The following ERC2 variants were observed in gnomAD, a reference collection of about 807,000 sequenced individuals.
The protein encoded by ERC2 is ERC protein 2.
A neutral mutation model predicts 114.8 loss-of-function variants in ERC2; 42 were observed. The observed-to-expected ratio is 0.37, with a 90% CI of 0.29 to 0.47. ERC2 has a LOEUF of 0.47. ERC2 is among the 20% of genes least tolerant of loss of function. The probability of loss-of-function intolerance (pLI) is 0.99; values close to 1 mark genes in which losing one functional copy is unlikely to be tolerated. For synonymous variants in ERC2, 454 were observed against 425.5 expected, an observed-to-expected ratio of 1.07 and a Z score of -0.82; for missense variants, 939 against 1,150.7, an observed-to-expected ratio of 0.82 and a Z score of 2.66.
chr3:55,849,263 A>G (rs1477779362), intron 14 of ERC2, among the ~76,000 whole-genome samples: 1 of 152,168 alleles, frequency 6.6e-6, no homozygotes, highest in Non-Finnish European at 1.5e-5. Context: ...GCACATATGT[A>G]TATGGAGCTG....
At chr3:55,697,824 G>A (rs566684754) in intron 16 of ERC2, among the ~76,000 whole-genome samples, 12 of 152,060 alleles carry the variant, frequency 7.9e-5, no homozygotes, top group African/African-American at 2.4e-4. Context: ...AGAATGAATG[G>A]CCAAAGTGGG....
intron 15 of ERC2, among the ~76,000 whole-genome samples, chr3:55,714,641 G>A (rs7613117): frequency 6.7e-4 from 46 of 69,172 alleles, no homozygotes; most frequent in Non-Finnish European, 1.0e-3. Context: ...TTGTATATAT[G>A]TGTGTGTGTG....
In ERC2 at chr3:55,878,456, C is replaced by T. The variant is rs552549348; in HGVS notation, c.2564+9933G>A. Among the ~76,000 whole-genome samples the T allele has an allele frequency of 3.9e-5, 6 of 152,316 alleles. 1 individual carries two copies. In the South Asian group the frequency reaches 1.2e-3, roughly 32 times the overall value. On this transcript the variant is annotated intron_variant, in intron 14 of 17. Transcript: ENST00000288221. ...CTGCCCCAAAAAAGGGAAGAAGCAC[C>T]TATCTGCCCACTGCTTTCTACTATT... is the stretch of plus-strand genomic sequence containing the variant.
intron 5 of ERC2, among the ~76,000 whole-genome samples, chr3:56,144,024 T>C (rs2081010056): frequency 6.6e-6 from 1 of 152,210 alleles, no homozygotes; most frequent in African/African-American, 2.4e-5. Context: ...AAGCTTCATC[T>C]TGCTAGCCAA....
intron 7 of ERC2, among the ~76,000 whole-genome samples, chr3:56,024,835 G>A (rs899880535): frequency 6.6e-6 from 1 of 152,142 alleles, no homozygotes; most frequent in Non-Finnish European, 1.5e-5. Flanking sequence ...CAAGGTTAAG[G>A]TTTGACTCAG....
chr3:55,898,025 G>A lies in ERC2; in HGVS notation c.2404-9476C>T, dbSNP rs535371054. Among the ~76,000 whole-genome samples, 22 of 152,238 alleles carry A rather than the reference G, an allele frequency of 1.4e-4. No homozygotes were observed. In the South Asian group the frequency reaches 4.6e-3, roughly 32 times the overall value. On this transcript the variant is annotated intron_variant, in intron 13 of 17. Transcript: ENST00000288221. ...GCTCCAACTCTTTGATTTTGACAAC[G>A]TTTCACATTCTCCCTTTCCTCTTCT... is the stretch of plus-strand genomic sequence containing the variant.
At chr3:56,289,045 G>A (rs569857985) in intron 3 of ERC2, among the ~76,000 whole-genome samples, 2 of 152,108 alleles carry the variant, frequency 1.3e-5, no homozygotes, top group Admixed American at 6.5e-5. Flanking sequence ...GTGTACTTGG[G>A]CAGAACGTCA....
intron 6 of ERC2, among the ~76,000 whole-genome samples, chr3:56,128,958 A>T (rs2080045158): frequency 6.6e-6 from 1 of 152,252 alleles, no homozygotes. Context: ...TATAGTCATA[A>T]GGATTTAAGA....
chr3:55,710,343 T>C (rs1038279904), intron 15 of ERC2, among the ~76,000 whole-genome samples: 3 of 152,178 alleles, frequency 2.0e-5, no homozygotes, highest in African/African-American at 7.2e-5. Flanking sequence ...CCTCTTCTCC[T>C]GCGATAACTT....
At chr3:56,462,395 C>T (rs1472891721) in intron 1 of ERC2, among the ~76,000 whole-genome samples, 2 of 152,166 alleles carry the variant, frequency 1.3e-5, no homozygotes, top group Non-Finnish European at 2.9e-5. Context: ...TTCCCTCCAC[C>T]TTCACTCGTA....
At chr3:56,447,439 G>C (rs765784119) in intron 1 of ERC2, among the ~76,000 whole-genome samples, 1 of 152,348 alleles carries the variant, frequency 6.6e-6, no homozygotes, top group Non-Finnish European at 1.5e-5. Flanking sequence ...AGAGGGAGAC[G>C]AGAAGTGGGG....
intron 13 of ERC2, among the ~76,000 whole-genome samples, chr3:55,893,909 C>T (rs2063727152): frequency 6.6e-6 from 1 of 152,134 alleles, no homozygotes; most frequent in African/African-American, 2.4e-5. Context: ...ACTCTTACCC[C>T]TAAGTGAGGA....
intron 1 of ERC2, among the ~76,000 whole-genome samples, chr3:56,440,210 G>A (rs2062222935): frequency 1.3e-5 from 2 of 152,142 alleles, no homozygotes; most frequent in African/African-American, 4.8e-5. Flanking sequence ...CATAATACCA[G>A]TCTTCCCTAT....
intron 17 of ERC2, among the ~76,000 whole-genome samples, chr3:55,663,355 A>G (rs2148713651): frequency 6.6e-6 from 1 of 152,354 alleles, no homozygotes; most frequent in South Asian, 2.1e-4. Flanking sequence ...TGCTGTCTGC[A>G]GCGCTGCCCC....
At chr3:55,835,576 T>G (rs1442864308) in intron 14 of ERC2, among the ~76,000 whole-genome samples, 1 of 152,160 alleles carries the variant, frequency 6.6e-6, no homozygotes, top group Non-Finnish European at 1.5e-5. Context: ...AAACTCTCAA[T>G]AAATTAGGTA....
At chr3:56,346,069 A>G (rs923668831) in intron 2 of ERC2, among the ~76,000 whole-genome samples, 2 of 152,216 alleles carry the variant, frequency 1.3e-5, no homozygotes, top group African/African-American at 2.4e-5. Flanking sequence ...GTCATAGGAT[A>G]TGAATATTTT....
chr3:56,183,420 T>C (rs990956810), intron 3 of ERC2, among the ~76,000 whole-genome samples: 1 of 152,228 alleles, frequency 6.6e-6, no homozygotes, highest in African/African-American at 2.4e-5. Context: ...CACAGCTATT[T>C]CATCGCGTAG....
chr3:55,772,434 C>T (rs1002011864), intron 14 of ERC2, among the ~76,000 whole-genome samples: 18 of 152,152 alleles, frequency 1.2e-4, no homozygotes, highest in Non-Finnish European at 2.2e-4. Context: ...CCTGCCTCAG[C>T]CCCCTGAGTA....
chr3:55,548,033 C>G (rs1446521988), intron 17 of ERC2, among the ~76,000 whole-genome samples: 1 of 152,212 alleles, frequency 6.6e-6, no homozygotes, highest in East Asian at 1.9e-4. Flanking sequence ...TGATGAGGAT[C>G]TGGCTGGTCC....
Sources: allele counts gnomAD v4.1 joint callset (sites outside exome capture counted in the v4.1 genomes callset), GRCh38; gene constraint gnomAD v4.1.1; transcripts MANE v1.5; gene names NCBI Gene and HGNC (gene_info 2026-07-23, HGNC 2026-07-21).